The following ANTXR1 variants were observed in gnomAD, a reference collection of about 807,000 sequenced individuals.
ANTXR1 encodes the protein ANTXR cell adhesion molecule 1.
ANTXR1 carries 19 observed loss-of-function variants against 78.1 expected under a neutral mutation model. The observed-to-expected ratio is 0.24, with a 90% CI of 0.17 to 0.36. ANTXR1 has a LOEUF of 0.36. Among genes scored for constraint, ANTXR1 ranks in the 10% least tolerant of loss-of-function variants. The pLI, the probability that ANTXR1 is intolerant of heterozygous loss-of-function variation, is 1.00. For synonymous variants in ANTXR1, 273 were observed against 260.5 expected (o/e 1.05, Z -0.46); for missense variants, 518 against 718.6 (o/e 0.72, Z 3.19).
chr2:69,084,591 GT>G (rs10708895), intron 8 of ANTXR1, among the ~76,000 whole-genome samples: 51,745 of 108,722 alleles, frequency 0.48, 11,100 homozygotes, highest in Middle Eastern at 0.54. Context: ...TATTTGTAAA[GT>G]TTTTTTTTTT....
intron 3 of ANTXR1, among the ~76,000 whole-genome samples, chr2:69,064,903 A>G (rs1379915229): frequency 6.6e-6 from 1 of 152,232 alleles, no homozygotes; most frequent in African/African-American, 2.4e-5. Flanking sequence ...GTAAATGTAT[A>G]GCTTTAAGTG....
chr2:69,032,880 C>T (rs1457980410), intron 1 of ANTXR1, among the ~76,000 whole-genome samples: 1 of 152,124 alleles, frequency 6.6e-6, no homozygotes, highest in Non-Finnish European at 1.5e-5. Flanking sequence ...TATCTTGACA[C>T]AGTACATATA....
chr2:69,165,285 T>TGTC (rs1198632241), intron 13 of ANTXR1, among the ~76,000 whole-genome samples: 4 of 152,252 alleles, frequency 2.6e-5, no homozygotes, highest in Non-Finnish European at 5.9e-5. Flanking sequence ...GTCAAGGAAG[T>TGTC]GTCTCCTTTG....
intron 11 of ANTXR1, among the ~76,000 whole-genome samples, chr2:69,124,362 A>G (rs904379002): frequency 5.9e-5 from 9 of 152,200 alleles, no homozygotes; most frequent in Non-Finnish European, 1.0e-4. Flanking sequence ...ACACTTCTCT[A>G]AACTTTAAAG....
Position 69,245,808 on chromosome 2 carries a change from C to A in ANTXR1, c.*323C>A. ...GGAGACCAGTAAGAAAATCATTTATCTGAAGGTGAAATGCAGAGTTGGATA... is the reference window on the plus strand; with the variant it reads ...GGAGACCAGTAAGAAAATCATTTATATGAAGGTGAAATGCAGAGTTGGATA... On this transcript the variant is annotated 3_prime_UTR_variant, in exon 18 of 18. Coordinates refer to ENST00000303714, the MANE Select transcript of ANTXR1 (RefSeq NM_032208.3). 3.4e-6 allele frequency: 1 copy of A among 292,540 alleles called. No individual in the cohort carries two copies. Among genetic ancestry groups the A allele is most frequent in the Admixed American group, 4.8e-5 (1 of 20,700 alleles). 18.1% of individuals were successfully genotyped at this position (292,540 alleles called of 1,614,324 possible). A position where few individuals can be genotyped will look rare whatever the true frequency, so the allele number is the denominator to read the frequency against.
chr2:69,197,952 T>G (rs1204522721), intron 17 of ANTXR1, among the ~76,000 whole-genome samples: 1 of 152,246 alleles, frequency 6.6e-6, no homozygotes, highest in Non-Finnish European at 1.5e-5. Flanking sequence ...AGGAATAATC[T>G]TTCCATGTCA....
Position 69,077,609 on chromosome 2 carries a change from C to A in ANTXR1, c.642+121C>A, listed in dbSNP as rs1478752997. ...TTTTCTGCTTAAGAGAACATCATTT[C>A]TTCCTATATCTTTGTGTCTGCCACG... On this transcript the variant is annotated intron_variant, in intron 8 of 17. Coordinates refer to ENST00000303714, the MANE Select transcript of ANTXR1 (RefSeq NM_032208.3). 6.6e-5 allele frequency: 69 copies of A among 1,045,538 alleles called. 1 individual carries two copies. The South Asian group carries it at 6.8e-4, about 10-fold the overall frequency. The allele number at this position is 1,045,538 out of a possible 1,614,324, so 64.8% of individuals were successfully genotyped here.
chr2:69,014,795 T>C (rs1431448505), intron 1 of ANTXR1, among the ~76,000 whole-genome samples: 3 of 152,190 alleles, frequency 2.0e-5, no homozygotes, highest in African/African-American at 4.8e-5. Context: ...AGACACCAAA[T>C]GTGCTTTGCA....
chr2:69,130,730 G>A (rs1014212863), intron 12 of ANTXR1, among the ~76,000 whole-genome samples: 1 of 152,134 alleles, frequency 6.6e-6, no homozygotes, highest in Non-Finnish European at 1.5e-5. Context: ...AAAGTCTAAT[G>A]CCCTGCCCCA....
chr2:69,191,361 A>G (rs888259050), intron 16 of ANTXR1, among the ~76,000 whole-genome samples: 5 of 152,220 alleles, frequency 3.3e-5, no homozygotes, highest in Non-Finnish European at 5.9e-5. Context: ...ATTTCAGAAC[A>G]TGAAATATTT....
intron 17 of ANTXR1, among the ~76,000 whole-genome samples, chr2:69,241,481 T>C (rs989102491): frequency 3.9e-5 from 6 of 152,152 alleles, no homozygotes; most frequent in African/African-American, 1.4e-4. Flanking sequence ...CTGCACCTTT[T>C]TTCAGGAAGA....
At position 69,249,129 on chromosome 2, in the gene ANTXR1, G is replaced by A. The variant is rs1676082627; in HGVS notation, c.*3644G>A. The stretch of plus-strand genomic sequence containing the variant: ...CAAAACCTGTACAATGACAACCCTG[G>A]AAGTTGCTTTTTTTAAAAAAATAAT... On this transcript the variant is annotated 3_prime_UTR_variant, in exon 18 of 18. Transcript: ENST00000303714. 6.6e-6 allele frequency: 1 copy of A among 152,052 alleles called. No homozygotes were observed. The highest frequency in any genetic ancestry group is 2.1e-4 in the South Asian group (1 of 4,818). 9.4% of individuals were successfully genotyped at this position (152,052 alleles called of 1,614,324 possible).
chr2:69,183,067 G>A (rs536853879), intron 16 of ANTXR1: 1 of 213,672 alleles, frequency 4.7e-6, no homozygotes, highest in East Asian at 1.3e-4. Flanking sequence ...CCCAGAGAGT[G>A]ACTATAAATT....
chr2:69,234,625 AG>A (rs1442484003), intron 17 of ANTXR1, among the ~76,000 whole-genome samples: 1 of 152,052 alleles, frequency 6.6e-6, no homozygotes, highest in Non-Finnish European at 1.5e-5. Context: ...AAAATTGGCC[AG>A]GTGGTGCACT....
intron 15 of ANTXR1, 121 bp downstream of exon 15, chr2:69,182,002 A>G (rs1674288331): frequency 3.2e-6 from 3 of 947,130 alleles, no homozygotes; most frequent in South Asian, 1.4e-5. Flanking sequence ...ATGGCCGTAG[A>G]CCACACTGAT....
At chr2:69,178,553 G>T (rs1674191841) in intron 14 of ANTXR1, among the ~76,000 whole-genome samples, 1 of 138,242 alleles carries the variant, frequency 7.2e-6, no homozygotes. Context: ...AGGGGCCAGC[G>T]GCAAGAGGGA....
intron 16 of ANTXR1, among the ~76,000 whole-genome samples, chr2:69,190,846 G>C (rs1417770065): frequency 2.6e-5 from 4 of 152,302 alleles, no homozygotes; most frequent in Middle Eastern, 3.4e-3. Context: ...AATTTCTGCT[G>C]AGTTAATTAA....
At chr2:69,176,652 T>A (rs1246812542) in intron 14 of ANTXR1, among the ~76,000 whole-genome samples, 2 of 152,326 alleles carry the variant, frequency 1.3e-5, no homozygotes, top group East Asian at 3.9e-4. Context: ...TGCTGGCAGG[T>A]GATGGGGACT....
Position 69,089,073 on chromosome 2 carries a change from T to C in ANTXR1, c.643-1786T>C, listed in dbSNP as rs1671143583. Among the ~76,000 whole-genome samples the C allele has an allele frequency of 2.6e-5, 4 of 152,156 alleles. No homozygotes were observed. In the South Asian group the frequency reaches 6.2e-4, roughly 24 times the overall value. ...GAGGCTGAGGAAATGAGGCAGAAGC[T>C]GAAGGAACTAATTACTTCCAACTGC... On this transcript the variant is annotated intron_variant, in intron 8 of 17. Transcript: ENST00000303714.
Sources: gnomAD v4.1 joint callset for allele counts (sites outside exome capture counted in the v4.1 genomes callset) on GRCh38, gnomAD v4.1.1 for gene constraint, MANE v1.5 for transcripts, NCBI Gene and HGNC (gene_info 2026-07-23, HGNC 2026-07-21) for gene names.